HERC1: variants seen among roughly 807,000 people sequenced by gnomAD.
HERC1 encodes probable E3 ubiquitin-protein ligase HERC1.
Under a neutral mutation model 554.3 loss-of-function variants are expected in HERC1, and 160 were observed. The ratio of observed to expected loss-of-function variants is 0.29; its 90% CI spans 0.25 to 0.33. The LOEUF is 0.33. Among genes scored for constraint, HERC1 ranks in the 10% least tolerant of loss-of-function variants. HERC1 has a pLI of 1.00. For synonymous variants in HERC1, 2,175 were observed against 2,131.7 expected (o/e 1.02, Z -0.56); for missense variants, 4,919 against 5,918.5 (o/e 0.83, Z 5.54).
chr15:63,674,384 G>T lies in HERC1; in HGVS notation c.7804C>A (p.His2602Asn). 6.2e-7 allele frequency: 1 copy of T among 1,612,786 alleles called. No homozygotes were observed. The highest frequency in any genetic ancestry group is 8.5e-7 in the Non-Finnish European group (1 of 1,179,550). ...AQAMIYKLVV[H>N]GLLEDQFGGK... ...CCAAACTGGTCTTCCAAAAGCCCAT[G>T]AACCACTAATTTATAGATCATGGCT... The change falls in exon 38 of 78, where the codon CAT becomes AAT. Residue 2602 changes from histidine to asparagine, a missense_variant. By Grantham distance (68) the His-to-Asn change is moderately conservative. This residue lies in a region of HERC1 where 1,963 missense variants were observed against 2,228.6 expected (regional missense o/e 0.88). Transcript: ENST00000443617.
chr15:63,663,273 T>A, intron 43 of HERC1, 69 bp from the exon 44 acceptor site: 5 of 1,306,418 alleles, frequency 3.8e-6, no homozygotes, highest in Non-Finnish European at 5.5e-6. Context: ...CGCCAGTTCT[T>A]AACTGCCATA....
At chr15:63,764,943 T>C (rs918637667) in intron 2 of HERC1, among the ~76,000 whole-genome samples, 8 of 152,206 alleles carry the variant, frequency 5.3e-5, no homozygotes, top group Non-Finnish European at 1.2e-4. Context: ...GGTCTTGCTC[T>C]GTTGCCAAGG....
At position 63,781,274 on chromosome 15, in the gene HERC1, T is replaced by G. The variant is rs146876346; in HGVS notation, c.-26-5625A>C. ...TCATTTATTGCACTTGACTTTACTG[T>G]GCTGTACAGATACTGCATCTTTTTT... is the stretch of plus-strand genomic sequence containing the variant. On this transcript the variant is annotated intron_variant, in intron 1 of 77. Coordinates refer to ENST00000443617, the MANE Select transcript of HERC1 (RefSeq NM_003922.4). 2.3e-3 allele frequency among the ~76,000 whole-genome samples: 354 copies of G among 152,348 alleles called. 1 individual carries two copies. Among genetic ancestry groups the G allele is most frequent in the Admixed American group, 7.3e-3 (111 of 15,308 alleles).
chr15:63,739,148 C>T (rs1336883554), intron 12 of HERC1, among the ~76,000 whole-genome samples: 1 of 150,832 alleles, frequency 6.6e-6, no homozygotes. Context: ...GTGCCCATTA[C>T]CAGTCATTCC....
In HERC1 at chr15:63,696,254, A is replaced by C; in HGVS notation, c.4991T>G (p.Leu1664Trp). Residue 1664 changes from leucine to tryptophan, a missense_variant, in exon 27 of 78, where the codon TTG becomes TGG. Coordinates refer to ENST00000443617, the MANE Select transcript of HERC1 (RefSeq NM_003922.4). ...KGSISLAGSRLSSGFQSSTLL... is the reference protein window; with the variant it reads ...KGSISLAGSRWSSGFQSSTLL... ...TGTGGAGGACTGGAAGCCTGAACTCAATCTGCTTCCTGCCAGTGAGATGCT... is the reference window on the plus strand; with the variant it reads ...TGTGGAGGACTGGAAGCCTGAACTCCATCTGCTTCCTGCCAGTGAGATGCT... 6.2e-7 allele frequency: 1 copy of C among 1,613,216 alleles called. No homozygotes were observed. The highest frequency in any genetic ancestry group is 8.5e-7 in the Non-Finnish European group (1 of 1,179,474).
At chr15:63,757,757 T>A (rs1396865398) in intron 4 of HERC1, among the ~76,000 whole-genome samples, 1 of 152,214 alleles carries the variant, frequency 6.6e-6, no homozygotes, top group African/African-American at 2.4e-5. Flanking sequence ...TCACCCAGGC[T>A]GGAATGCAGT....
chr15:63,758,791 C>T lies in HERC1; in HGVS notation c.1027-422G>A, dbSNP rs1026401347. 2.6e-5 allele frequency among the ~76,000 whole-genome samples: 4 copies of T among 152,140 alleles called. No homozygotes were observed. Among genetic ancestry groups the T allele is most frequent in the African/African-American group, 4.8e-5 (2 of 41,430 alleles). ...GAGGATACATAAAAGTGACAAACTG[C>T]ACAAAAGAGTCATGCAAATCCATGC... On this transcript the variant is annotated intron_variant, in intron 3 of 77. Coordinates refer to ENST00000443617, the MANE Select transcript of HERC1 (RefSeq NM_003922.4). This position sits in a 1 kb window ranked among gnomAD's most constrained non-coding sequence, Gnocchi z 4.0.
intron 1 of HERC1, among the ~76,000 whole-genome samples, chr15:63,820,764 G>C (rs563523730): frequency 6.6e-6 from 1 of 151,988 alleles, no homozygotes; most frequent in African/African-American, 2.4e-5. Context: ...GCAGTTCTCC[G>C]GCCTTGGCCT....
chr15:63,801,525 T>TG (rs1211227957), intron 1 of HERC1, among the ~76,000 whole-genome samples: 2 of 152,212 alleles, frequency 1.3e-5, no homozygotes, highest in Non-Finnish European at 2.9e-5. Context: ...AAAGACAATC[T>TG]TTCACATTAG....
chr15:63,804,103 C>T (rs1410138627), intron 1 of HERC1, among the ~76,000 whole-genome samples: 3 of 152,198 alleles, frequency 2.0e-5, no homozygotes, highest in South Asian at 2.1e-4. Context: ...AAACCTTGAC[C>T]CTAATTTCAT....
At chr15:63,648,244 T>C in intron 54 of HERC1, 45 bp from the exon 55 acceptor site, 1 of 1,544,556 alleles carries the variant, frequency 6.5e-7, no homozygotes, top group Non-Finnish European at 8.8e-7. Context: ...TAATTATTTG[T>C]CATTGTCTGA....
At chr15:63,648,016 A>C (rs952189462) in intron 55 of HERC1, 53 bp downstream of exon 55, 1 of 1,431,746 alleles carries the variant, frequency 7.0e-7, no homozygotes, top group Non-Finnish European at 9.6e-7. Flanking sequence ...CTATGCATGT[A>C]ACAAAATTAT....
At chr15:63,715,739 T>C (rs562283218) in intron 22 of HERC1, among the ~76,000 whole-genome samples, 105 of 152,308 alleles carry the variant, frequency 6.9e-4, no homozygotes, top group African/African-American at 2.5e-3. Flanking sequence ...TCTTTAAACA[T>C]ATAAATAACT....
At chr15:63,772,491 A>G (rs759992049) in intron 2 of HERC1, among the ~76,000 whole-genome samples, 6 of 151,110 alleles carry the variant, frequency 4.0e-5, no homozygotes, top group South Asian at 2.1e-4. Context: ...CCATAAATAC[A>G]TTATTTTATT....
rs1474865657 is a variant in HERC1, at chr15:63,669,535, C to T, written c.8206+3G>A. On this transcript the variant is annotated splice_donor_region_variant and intron_variant, in intron 40 of 77. Transcript: ENST00000443617. ...ATATCATAGTGCATATCAGCACACG[C>T]ACCTGTGCGGTTAGCTGGCCTTGCT... The T allele has an allele frequency of 1.2e-6, 2 of 1,613,494 alleles. No homozygotes were observed. The highest frequency in any genetic ancestry group is 2.7e-5 in the African/African-American group (2 of 74,940).
Position 63,612,362 on chromosome 15 carries a change from C to T in HERC1, c.14289G>A (p.Glu4763=). The T allele has an allele frequency of 1.2e-6, 2 of 1,614,064 alleles. No homozygotes were observed. Among genetic ancestry groups the T allele is most frequent in the Non-Finnish European group, 1.7e-6 (2 of 1,179,902 alleles). The change falls in exon 77 of 78, where the codon GAG becomes GAA. Residue 4763 remains glutamate (E), a synonymous_variant. Transcript: ENST00000443617. This position sits in a 1 kb window ranked among gnomAD's most constrained non-coding sequence, Gnocchi z 5.0. The part of the protein sequence containing the change: ...LVQWFWHTLE[E]FSNEERVLFM... The stretch of plus-strand genomic sequence containing the variant: ...AAAGCACCCGCTCCTCATTGGAGAA[C>T]TCTTCCAGCGTGTGCCAGAACCACT...
intron 2 of HERC1, among the ~76,000 whole-genome samples, chr15:63,771,968 C>T (rs1390176307): frequency 6.6e-6 from 1 of 151,728 alleles, no homozygotes; most frequent in African/African-American, 2.4e-5. Flanking sequence ...AATACAGAAA[C>T]AAAATTAGCT....
intron 40 of HERC1, 119 bp downstream of exon 40, chr15:63,669,419 C>G: frequency 8.8e-6 from 8 of 912,766 alleles, no homozygotes; most frequent in Non-Finnish European, 1.4e-5. Flanking sequence ...GGGGCAGTTC[C>G]CCTTCATTAA....
chr15:63,747,177 T>A (rs1406973458), intron 11 of HERC1, 94 bp from the exon 12 acceptor site: 8 of 1,209,268 alleles, frequency 6.6e-6, no homozygotes, highest in Non-Finnish European at 9.2e-6. Flanking sequence ...AAAATTTTGT[T>A]GGCTAGGTGC....
Sources: gnomAD v4.1 joint callset for allele counts (sites outside exome capture counted in the v4.1 genomes callset) on GRCh38, gnomAD v4.1.1 for gene constraint, gnomAD v4.1.1 regional missense constraint, Gnocchi (gnomAD v3.1) non-coding constraint, MANE v1.5 for transcripts, NCBI Gene and HGNC (gene_info 2026-07-23, HGNC 2026-07-21) for gene names.